The following SCN8A variants were observed in gnomAD, a reference collection of about 807,000 sequenced individuals.
SCN8A encodes the protein sodium voltage-gated channel alpha subunit 8, also known as sodium channel protein type 8 subunit alpha.
Under a neutral mutation model 184.1 loss-of-function variants are expected in SCN8A, and 30 were observed. That is an observed-to-expected ratio of 0.16 (90% CI 0.12 to 0.22). The LOEUF is 0.22. Among genes scored for constraint, SCN8A ranks in the 10% least tolerant of loss-of-function variants. The probability of loss-of-function intolerance (pLI) is 1.00; values close to 1 mark genes in which losing one functional copy is unlikely to be tolerated. For missense variants in SCN8A, 1,057 were observed against 2,498.9 expected (o/e 0.42, Z 12.30); for synonymous variants, 852 against 907.0 (o/e 0.94, Z 1.09).
chr12:51,769,666 C>T (rs1429723241), intron 17 of SCN8A, among the ~76,000 whole-genome samples: 2 of 152,104 alleles, frequency 1.3e-5, no homozygotes, highest in African/African-American at 2.4e-5. Flanking sequence ...CATTGCCGTC[C>T]GTGAGTAGGT....
At chr12:51,692,255 C>CCT (rs1292851742) in intron 6 of SCN8A, among the ~76,000 whole-genome samples, 1 of 152,136 alleles carries the variant, frequency 6.6e-6, no homozygotes, top group Non-Finnish European at 1.5e-5. Context: ...GAGAGCTTTT[C>CCT]CTTTCCTAGA....
In SCN8A at chr12:51,693,923, T is replaced by A. The variant is rs559907947; in HGVS notation, c.706+4827T>A. ...GGAATATGAATTAGCTTTATTTGTT[T>A]ATTTTATTTATACATATATATTTTT... On this transcript the variant is annotated intron_variant, in intron 6 of 26. Transcript: ENST00000627620. 1.0e-3 allele frequency among the ~76,000 whole-genome samples: 153 copies of A among 152,322 alleles called. 1 individual carries two copies. Among genetic ancestry groups the A allele is most frequent in the African/African-American group, 3.6e-3 (149 of 41,568 alleles).
chr12:51,768,173 G>GT (rs1359822101), intron 16 of SCN8A: 1 of 152,074 alleles, frequency 6.6e-6, no homozygotes. Context: ...CTCCTAAAAA[G>GT]TAAGTCTTAA....
chr12:51,794,275 G>A, intron 25 of SCN8A, 96 bp from the exon 26 acceptor site: 1 of 1,226,318 alleles, frequency 8.2e-7, no homozygotes, highest in Non-Finnish European at 1.1e-6. Flanking sequence ...AGAAAAGGAG[G>A]GAGAGGGTAC....
intron 1 of SCN8A, among the ~76,000 whole-genome samples, chr12:51,618,590 T>C (rs904973579): frequency 2.0e-5 from 3 of 152,166 alleles, no homozygotes; most frequent in Non-Finnish European, 4.4e-5. Context: ...CTGCTATCAA[T>C]TATTTTTCAG....
At chr12:51,744,939 GA>G (rs887210331) in intron 12 of SCN8A, among the ~76,000 whole-genome samples, 19 of 152,290 alleles carry the variant, frequency 1.2e-4, no homozygotes, top group African/African-American at 4.6e-4. Flanking sequence ...GAGGGCTGCT[GA>G]TTGTCTCTGT....
chr12:51,796,852 G>T (rs949320156), intron 26 of SCN8A, among the ~76,000 whole-genome samples: 2 of 152,168 alleles, frequency 1.3e-5, no homozygotes, highest in Non-Finnish European at 2.9e-5. Context: ...CATCCAGCGC[G>T]GGAGGAGATG....
chr12:51,703,812 A>G (rs1051258713), intron 9 of SCN8A, among the ~76,000 whole-genome samples: 2 of 152,332 alleles, frequency 1.3e-5, no homozygotes, highest in South Asian at 4.1e-4. Context: ...TTCTAGTTCA[A>G]ATATCTGAGT....
intron 2 of SCN8A, among the ~76,000 whole-genome samples, chr12:51,673,761 T>C (rs1416224313): frequency 1.3e-5 from 2 of 152,200 alleles, no homozygotes; most frequent in Non-Finnish European, 2.9e-5. Flanking sequence ...TTCACGGATC[T>C]CAGGGTCCAG....
chr12:51,723,107 G>A (rs1005933974), intron 12 of SCN8A: 1 of 152,298 alleles, frequency 6.6e-6, no homozygotes, highest in Non-Finnish European at 1.5e-5. Context: ...CATGGATAAA[G>A]TTTATTGAAT....
rs534011744 is a variant in SCN8A at position 51,799,083 on chromosome 12, G to A, written c.4795+4442G>A. Among the ~76,000 whole-genome samples the A allele has an allele frequency of 2.2e-3, 329 of 152,248 alleles. 1 individual carries two copies. The highest frequency in any genetic ancestry group is 7.3e-3 in the African/African-American group (305 of 41,530). On this transcript the variant is annotated intron_variant, in intron 26 of 26. Transcript: ENST00000627620. The stretch of plus-strand genomic sequence containing the variant: ...CACTTTTGGGTGGTGCCTGCATTTC[G>A]TGCAGAACCGTCTGTAAACTAGGCC...
Position 51,783,148 on chromosome 12 carries a change from A to T in SCN8A, c.3942+2377A>T, listed in dbSNP as rs574151900. Among the ~76,000 whole-genome samples the T allele has an allele frequency of 2.0e-3, 305 of 152,326 alleles. 1 individual carries two copies. Among genetic ancestry groups the T allele is most frequent in the African/African-American group, 6.9e-3 (287 of 41,582 alleles). On this transcript the variant is annotated intron_variant, in intron 21 of 26. Transcript: ENST00000627620. ...TGGCTGGTTGGACAGGTGAAAAGGG[A>T]TCAGGGATCCATTCCTGCCCTGTGG...
chr12:51,775,089 C>T (rs932568530), intron 20 of SCN8A, among the ~76,000 whole-genome samples: 2 of 152,192 alleles, frequency 1.3e-5, no homozygotes, highest in African/African-American at 4.8e-5. Flanking sequence ...AGGATGATGA[C>T]TGGTCTCTTA....
intron 19 of SCN8A, among the ~76,000 whole-genome samples, chr12:51,772,980 G>T (rs1208725227): frequency 6.6e-6 from 1 of 152,164 alleles, no homozygotes; most frequent in African/African-American, 2.4e-5. Flanking sequence ...AGCCGGGTGT[G>T]GTGGCATGTG....
chr12:51,772,956 A>G (rs1318519351), intron 19 of SCN8A, among the ~76,000 whole-genome samples: 1 of 152,160 alleles, frequency 6.6e-6, no homozygotes, highest in Non-Finnish European at 1.5e-5. Context: ...CTCTACTGAA[A>G]ATACAAAAAA....
chr12:51,758,992 G>GTGTA (rs1311965975), intron 14 of SCN8A, among the ~76,000 whole-genome samples: 1 of 151,352 alleles, frequency 6.6e-6, no homozygotes, highest in Non-Finnish European at 1.5e-5. Context: ...ATATGTGTGT[G>GTGTA]TGTGTGTGTA....
intron 12 of SCN8A, among the ~76,000 whole-genome samples, chr12:51,726,019 A>G (rs1298259284): frequency 6.6e-6 from 1 of 152,242 alleles, no homozygotes; most frequent in East Asian, 1.9e-4. Flanking sequence ...TGCCAAATCT[A>G]TATTTTTTCC....
chr12:51,671,765 C>T (rs1941135465), intron 2 of SCN8A, among the ~76,000 whole-genome samples: 2 of 152,124 alleles, frequency 1.3e-5, no homozygotes, highest in African/African-American at 4.8e-5. Flanking sequence ...GTAAATGTTT[C>T]TTTACATATA....
intron 11 of SCN8A, among the ~76,000 whole-genome samples, chr12:51,715,693 T>C (rs1361739542): frequency 1.3e-5 from 2 of 148,958 alleles, no homozygotes; most frequent in Non-Finnish European, 3.0e-5. Flanking sequence ...TTATATAAAA[T>C]TAAATTTTAT....
Sources: gnomAD v4.1 joint callset for allele counts (sites outside exome capture counted in the v4.1 genomes callset) on GRCh38, gnomAD v4.1.1 for gene constraint, MANE v1.5 for transcripts, NCBI Gene and HGNC (gene_info 2026-07-23, HGNC 2026-07-21) for gene names.